The following MGST3 variants were observed in gnomAD, a reference collection of about 807,000 sequenced individuals.
MGST3 encodes glutathione S-transferase 3, mitochondrial.
MGST3 carries 13 observed loss-of-function variants against 15.8 expected under a neutral mutation model. The observed-to-expected ratio is 0.82, with a 90% confidence interval of 0.54 to 1.31. The LOEUF (loss-of-function observed/expected upper bound fraction) is 1.31, where lower values mean the gene tolerates loss of function less well. Among genes scored for constraint, MGST3 ranks in the 50% most tolerant of loss-of-function variants. The probability of loss-of-function intolerance (pLI) is 0.00; values close to 1 mark genes in which losing one functional copy is unlikely to be tolerated. For missense variants in MGST3, 155 were observed against 192.4 expected, an observed-to-expected ratio of 0.81 and a Z score of 1.15; for synonymous variants, 49 against 68.1, an observed-to-expected ratio of 0.72 and a Z score of 1.38.
At chr1:165,638,772 G>T (rs1194501541) in intron 1 of MGST3, among the ~76,000 whole-genome samples, 1 of 150,332 alleles carries the variant, frequency 6.7e-6, no homozygotes, top group Non-Finnish European at 1.5e-5. Context: ...TCTAGCCTGT[G>T]GGACAGAGAG....
intron 1 of MGST3, among the ~76,000 whole-genome samples, chr1:165,633,217 C>T (rs1648004761): frequency 6.6e-6 from 1 of 152,190 alleles, no homozygotes; most frequent in South Asian, 2.1e-4. Context: ...GAGTTTCTGT[C>T]ACTCGCTCTT....
At chr1:165,650,528 A>G (rs977150829) in intron 2 of MGST3, 1 of 189,672 alleles carries the variant, frequency 5.3e-6, no homozygotes, top group African/African-American at 2.4e-5. Context: ...CTCCCTTACT[A>G]GAGCTTCTTT....
At chr1:165,650,679 A>G (rs140359277) in intron 2 of MGST3, 7 of 358,032 alleles carry the variant, frequency 2.0e-5, no homozygotes, top group East Asian at 1.3e-4. Flanking sequence ...GGAAGGCTCT[A>G]TTTCCCTACA....
At chr1:165,637,893 C>T (rs1648152384) in intron 1 of MGST3, among the ~76,000 whole-genome samples, 1 of 152,104 alleles carries the variant, frequency 6.6e-6, no homozygotes, top group Non-Finnish European at 1.5e-5. Flanking sequence ...ACTTAAAACC[C>T]ATTGGGTGTC....
chr1:165,650,052 A>G (rs2101723141), intron 2 of MGST3, 88 bp downstream of exon 2: 1 of 1,586,868 alleles, frequency 6.3e-7, no homozygotes, highest in East Asian at 2.2e-5. Context: ...ATGGAGGGAG[A>G]GGCAAGGAGC....
intron 4 of MGST3, 48 bp downstream of exon 4, chr1:165,652,083 G>A: frequency 4.7e-6 from 6 of 1,285,338 alleles, no homozygotes; most frequent in Non-Finnish European, 6.8e-6. Flanking sequence ...AGTTCACTGA[G>A]CTATTATCAG....
intron 1 of MGST3, among the ~76,000 whole-genome samples, chr1:165,637,519 T>G (rs944260997): frequency 3.3e-5 from 5 of 152,138 alleles, no homozygotes; most frequent in African/African-American, 1.2e-4. Flanking sequence ...ATTTGGGAAG[T>G]AGTGAAGGAG....
At chr1:165,644,074 A>G (rs1648331687) in intron 1 of MGST3, among the ~76,000 whole-genome samples, 1 of 148,278 alleles carries the variant, frequency 6.7e-6, no homozygotes, top group South Asian at 2.1e-4. Flanking sequence ...AAAAAAAATT[A>G]CCTATTGCCA....
intron 5 of MGST3, among the ~76,000 whole-genome samples, 186 bp downstream of exon 5, chr1:165,654,537 A>G (rs1429369351): frequency 1.3e-5 from 2 of 152,098 alleles, no homozygotes; most frequent in Non-Finnish European, 2.9e-5. Flanking sequence ...CAAAAAATAC[A>G]AAAATTAGCC....
At chr1:165,650,249 G>A (rs1648516009) in intron 2 of MGST3, 3 of 449,116 alleles carry the variant, frequency 6.7e-6, no homozygotes, top group South Asian at 6.4e-5. Flanking sequence ...TATTTGCTAG[G>A]AAGAGAGTTA....
At chr1:165,653,547 C>G (rs981739688) in intron 4 of MGST3, 1 of 152,810 alleles carries the variant, frequency 6.5e-6, no homozygotes, top group Admixed American at 6.5e-5. Context: ...AACAGTAGCA[C>G]TGCTGAGTGG....
intron 4 of MGST3, 124 bp from the exon 5 acceptor site, chr1:165,654,155 G>A: frequency 2.4e-6 from 2 of 847,186 alleles, no homozygotes; most frequent in Admixed American, 1.7e-5. Context: ...TTTGCGTGGG[G>A]AGTAGTTGGC....
At chr1:165,638,943 C>T (rs75792549) in intron 1 of MGST3, among the ~76,000 whole-genome samples, 10 of 152,030 alleles carry the variant, frequency 6.6e-5, no homozygotes, top group South Asian at 2.1e-4. Flanking sequence ...GCAAGGATGT[C>T]GGCACTTGCC....
intron 3 of MGST3, 165 bp downstream of exon 3, chr1:165,651,252 A>C: frequency 1.5e-6 from 1 of 674,938 alleles, no homozygotes; most frequent in Non-Finnish European, 2.7e-6. Flanking sequence ...CACATTGACT[A>C]TTAAGCAAAC....
In MGST3 at chr1:165,638,934, C is replaced by T. The variant is rs139211959; in HGVS notation, c.-8+7641C>T. Reference sequence around the variant, plus strand: ...CTTCCCCCTAAGATGAGGAAAGAGGCAAGGATGTCGGCACTTGCCACTGGT... The same window carrying T: ...CTTCCCCCTAAGATGAGGAAAGAGGTAAGGATGTCGGCACTTGCCACTGGT... On this transcript the variant is annotated intron_variant, in intron 1 of 5. Transcript: ENST00000367889. 9.0e-3 allele frequency among the ~76,000 whole-genome samples: 1,365 copies of T among 151,954 alleles called. 20 individuals carry two copies. The highest frequency in any genetic ancestry group is 0.032 in the African/African-American group (1,307 of 41,432).
intron 1 of MGST3, among the ~76,000 whole-genome samples, chr1:165,635,376 C>G (rs1007694560): frequency 5.9e-5 from 9 of 152,208 alleles, no homozygotes; most frequent in African/African-American, 2.2e-4. Flanking sequence ...GAGATTTCAT[C>G]AGGCATGTGT....
At chr1:165,650,969 A>G in intron 2 of MGST3, 45 bp from the exon 3 acceptor site, 1 of 1,546,760 alleles carries the variant, frequency 6.5e-7, no homozygotes, top group African/African-American at 1.4e-5. Flanking sequence ...TCAACACTGA[A>G]TGCTCCTCTT....
chr1:165,654,347 G>A lies in MGST3; in HGVS notation c.318G>A (p.Thr106=), dbSNP rs769407761. Residue 106 remains threonine, a synonymous_variant, in exon 5 of 6, where the codon ACG becomes ACA. Transcript: ENST00000367889. ...GRVLYAYGYY[T]GEPSKRSRGA... is the part of the protein sequence containing the mutation. ...TTCTTTATGCTTATGGCTATTACAC[G>A]GGAGGTTAGTATATATTGACATTTG... is the stretch of plus-strand genomic sequence containing the variant. 1.8e-5 allele frequency: 29 copies of A among 1,613,590 alleles called. No individual in the cohort carries two copies. Among genetic ancestry groups the A allele is most frequent in the South Asian group, 9.9e-5 (9 of 91,064 alleles).
intron 1 of MGST3, chr1:165,649,567 CATAAT>C: frequency 2.5e-6 from 1 of 401,200 alleles, no homozygotes; most frequent in Non-Finnish European, 4.6e-6. Context: ...AGATAAATCT[CATAAT>C]GTTGATCAGA....
Sources: gnomAD v4.1 joint callset for allele counts (sites outside exome capture counted in the v4.1 genomes callset) on GRCh38, gnomAD v4.1.1 for gene constraint, MANE v1.5 for transcripts, NCBI Gene and HGNC (gene_info 2026-07-23, HGNC 2026-07-21) for gene names.